The following SUN5 variants were observed in gnomAD, a reference collection of about 807,000 sequenced individuals.
SUN5 encodes the protein Sad1 and UNC84 domain containing 5.
Under a neutral mutation model 53.7 loss-of-function variants are expected in SUN5, and 44 were observed. The observed-to-expected ratio is 0.82, with a 90% confidence interval of 0.64 to 1.05. The LOEUF is 1.05. Among genes scored for constraint, SUN5 ranks in the 50% least tolerant of loss-of-function variants. The pLI, the probability that SUN5 is intolerant of heterozygous loss-of-function variation, is 0.00. For synonymous variants in SUN5, 166 were observed against 179.8 expected, an observed-to-expected ratio of 0.92 and a Z score of 0.62; for missense variants, 433 against 483.8, an observed-to-expected ratio of 0.90 and a Z score of 0.98.
intron 8 of SUN5, among the ~76,000 whole-genome samples, chr20:32,991,293 G>A (rs1303319235): frequency 2.1e-4 from 32 of 152,214 alleles, no homozygotes; most frequent in Admixed American, 2.1e-3. Context: ...ATTGATGAGT[G>A]CATGCCTTTG....
chr20:32,989,060 G>A (rs533168843), intron 9 of SUN5, among the ~76,000 whole-genome samples: 52 of 152,166 alleles, frequency 3.4e-4, no homozygotes, highest in African/African-American at 1.3e-3. Flanking sequence ...CGAGTAGCTG[G>A]GACTACAGGC....
Position 32,985,788 on chromosome 20 carries a change from G to A in SUN5, c.845C>T (p.Thr282Ile), listed in dbSNP as rs1031964915. ...SNLTLQHIPK[T>I]ISLSGSLDTA... ...GTCCAGGCTGCCTGACAATGAGATGGTCTTGGGGATGTGCTGCAGCGTGAG... is the reference window on the plus strand; with the variant it reads ...GTCCAGGCTGCCTGACAATGAGATGATCTTGGGGATGTGCTGCAGCGTGAG... Residue 282 changes from threonine to isoleucine, a missense_variant, in exon 11 of 13, where the codon ACC becomes ATC. Coordinates refer to ENST00000356173, the MANE Select transcript of SUN5 (RefSeq NM_080675.4). 2.5e-6 allele frequency: 4 copies of A among 1,614,180 alleles called. No individual in the cohort carries two copies. In the East Asian group the frequency reaches 8.9e-5, roughly 36 times the overall value.
chr20:32,992,786 T>C (rs1232898157), intron 8 of SUN5, among the ~76,000 whole-genome samples: 1 of 152,056 alleles, frequency 6.6e-6, no homozygotes, highest in Non-Finnish European at 1.5e-5. Context: ...AAAATCCAAA[T>C]GGCCGCTGGA....
intron 12 of SUN5, among the ~76,000 whole-genome samples, chr20:32,984,188 G>A (rs1989471501): frequency 6.6e-6 from 1 of 152,194 alleles, no homozygotes; most frequent in African/African-American, 2.4e-5. Flanking sequence ...TTAATGCTGT[G>A]GGATCTTGGG....
At chr20:33,004,213 C>T in intron 1 of SUN5, 51 bp downstream of exon 1, 1 of 1,484,576 alleles carries the variant, frequency 6.7e-7, no homozygotes, top group Non-Finnish European at 9.0e-7. Context: ...GGAGGGGCAG[C>T]ATTTTGTAAA....
intron 1 of SUN5, among the ~76,000 whole-genome samples, 194 bp downstream of exon 1, chr20:33,004,070 G>A (rs775496463): frequency 5.9e-5 from 9 of 152,162 alleles, no homozygotes; most frequent in Admixed American, 2.0e-4. Context: ...CAATAAATGC[G>A]TGCTGGAAGG....
intron 8 of SUN5, among the ~76,000 whole-genome samples, chr20:32,993,857 C>G (rs937391700): frequency 9.9e-5 from 15 of 152,270 alleles, no homozygotes; most frequent in South Asian, 8.3e-4. Context: ...GATGCAGGCA[C>G]GTGGGCCGTG....
intron 8 of SUN5, among the ~76,000 whole-genome samples, chr20:32,993,738 G>T (rs192876463): frequency 1.4e-3 from 206 of 152,324 alleles, no homozygotes; most frequent in African/African-American, 4.8e-3. Flanking sequence ...CACCTGGAAG[G>T]CTTGCTGGAA....
In SUN5 at chr20:33,002,892, G is replaced by A; in HGVS notation, c.105C>T (p.Ser35=). ...TTGGGGAGGTGTCCTCTGCCATCCT[G>A]CTGGTGTTCCGGCCTCGCTGGGCAA... ...RRIAQRGRNT[S]RMAEDTSPNM... Residue 35 remains serine, a synonymous_variant, in exon 2 of 13, where the codon AGC becomes AGT. Transcript: ENST00000356173. 2 of 1,614,188 alleles carry A rather than the reference G, an allele frequency of 1.2e-6. No homozygotes were observed. The highest frequency in any genetic ancestry group is 1.7e-6 in the Non-Finnish European group (2 of 1,180,046).
intron 12 of SUN5, 68 bp downstream of exon 12, chr20:32,985,031 G>T: frequency 6.6e-7 from 1 of 1,518,860 alleles, no homozygotes; most frequent in Non-Finnish European, 9.1e-7. Flanking sequence ...TGAAGAGGGG[G>T]TCCCTGGGTA....
chr20:32,996,881 C>T (rs747002924), intron 6 of SUN5, among the ~76,000 whole-genome samples: 37 of 152,160 alleles, frequency 2.4e-4, no homozygotes, highest in Non-Finnish European at 5.0e-4. Context: ...ATTCTCTCTC[C>T]ATGCACACTC....
chr20:32,986,907 G>A (rs547305298), intron 10 of SUN5, among the ~76,000 whole-genome samples: 4 of 152,266 alleles, frequency 2.6e-5, no homozygotes, highest in African/African-American at 9.6e-5. Flanking sequence ...GCTAGTCCTC[G>A]GCTGCGGCCA....
At chr20:32,991,960 C>T (rs1989721829) in intron 8 of SUN5, among the ~76,000 whole-genome samples, 1 of 152,206 alleles carries the variant, frequency 6.6e-6, no homozygotes, top group Non-Finnish European at 1.5e-5. Context: ...ACGTTGCGCA[C>T]AGCAGAAAGG....
intron 3 of SUN5, among the ~76,000 whole-genome samples, chr20:33,001,566 T>TTTTCTTC (rs1568970962): frequency 1.1e-4 from 5 of 45,652 alleles, no homozygotes; most frequent in East Asian, 4.0e-4. Context: ...TTCTTTCTTT[T>TTTTCTTC]CTTCCTTCCT....
chr20:33,000,725 G>T (rs376179475), intron 4 of SUN5, among the ~76,000 whole-genome samples: 1 of 152,004 alleles, frequency 6.6e-6, no homozygotes, highest in African/African-American at 2.4e-5. Flanking sequence ...TGTGCCTGTA[G>T]TCCCAGCTAC....
Position 33,004,276 on chromosome 20 carries a change from G to T in SUN5, c.65C>A (p.Pro22His). The T allele has an allele frequency of 6.3e-7, 1 of 1,576,148 alleles. No individual in the cohort carries two copies. Among genetic ancestry groups the T allele is most frequent in the Non-Finnish European group, 8.6e-7 (1 of 1,160,066 alleles). Residue 22 changes from proline to histidine, a missense_variant, in exon 1 of 13, where the codon CCC (proline) becomes CAC (histidine). Physicochemically the swap from Pro to His is moderately conservative, Grantham distance 77 (BLOSUM62 -2). Coordinates refer to ENST00000356173, the MANE Select transcript of SUN5 (RefSeq NM_080675.4). ...CTGCCATCCTCACCTCCGGGGTCTG[G>T]GATTGTGGGCCACATCTTCGAGTAG... ...GALLEDVAHNPRPRRIAQRGR... is the reference protein window; with the variant it reads ...GALLEDVAHNHRPRRIAQRGR...
intron 5 of SUN5, among the ~76,000 whole-genome samples, chr20:32,998,345 T>C (rs1163366461): frequency 2.0e-5 from 3 of 151,728 alleles, no homozygotes; most frequent in Admixed American, 6.6e-5. Flanking sequence ...TGAGACCCTG[T>C]CTAAAAAACA....
intron 6 of SUN5, 106 bp from the exon 7 acceptor site, chr20:32,996,464 T>C (rs1989850398): frequency 9.9e-7 from 1 of 1,009,258 alleles, no homozygotes; most frequent in African/African-American, 1.6e-5. Context: ...CATACATTCA[T>C]CCACTTTCCT....
At position 32,985,850 on chromosome 20, in the gene SUN5, C is replaced by T; in HGVS notation, c.783G>A (p.Val261=). The change falls in exon 11 of 13, where the codon GTG becomes GTA. Residue 261 remains valine, a synonymous_variant. Transcript: ENST00000356173. The stretch of plus-strand genomic sequence containing the variant: ...AAACCTTCTGAGCCAATTGGATGGT[C>T]ACCTGGCCGCGGTCACCCTCAAAGG... ...CWAFEGDRGQ[V]TIQLAQKVYL... The T allele has an allele frequency of 6.2e-7, 1 of 1,614,106 alleles. No homozygotes were observed. Among genetic ancestry groups the T allele is most frequent in the African/African-American group, 1.3e-5 (1 of 75,040 alleles).
Sources: gnomAD v4.1 joint callset for allele counts (sites outside exome capture counted in the v4.1 genomes callset) on GRCh38, gnomAD v4.1.1 for gene constraint, MANE v1.5 for transcripts, NCBI Gene and HGNC (gene_info 2026-07-23, HGNC 2026-07-21) for gene names.